Variants in CPZ observed in about 807,000 individuals in gnomAD.
CPZ encodes the protein carboxypeptidase Z.
CPZ carries 103 observed loss-of-function variants against 61.8 expected under a neutral mutation model. The observed-to-expected ratio is 1.67, with a 90% CI of 1.42 to 1.96. CPZ has a LOEUF of 1.96. Ranked by LOEUF, CPZ falls within the 30% of genes most tolerant of loss-of-function variation. The pLI, the probability that CPZ is intolerant of heterozygous loss-of-function variation, is 0.00. For synonymous variants in CPZ, 551 were observed against 373.7 expected (o/e 1.47, Z -5.47); for missense variants, 1,461 against 914.9 (o/e 1.60, Z -7.70).
At chr4:8,606,508 C>G (rs866682676) in intron 5 of CPZ, among the ~76,000 whole-genome samples, 5 of 152,080 alleles carry the variant, frequency 3.3e-5, no homozygotes, top group Non-Finnish European at 7.4e-5. Flanking sequence ...CTGTCGAGGG[C>G]GCCCCACTCA....
rs1553878410 is a variant in CPZ, at chr4:8,612,186, T to TGGGGGGG, written c.1363+27_1363+28insGGGGGGG. 1.1e-5 allele frequency: 2 copies of TGGGGGGG among 179,708 alleles called. 1 individual carries two copies. Among genetic ancestry groups the TGGGGGGG allele is most frequent in the Non-Finnish European group, 1.5e-5 (2 of 132,556 alleles). The allele number at this position is 179,708 out of a possible 1,614,324, so 11.1% of individuals were successfully genotyped here. A position where few individuals can be genotyped will look rare whatever the true frequency, so the allele number is the denominator to read the frequency against. On this transcript the variant is annotated intron_variant, in intron 8 of 10. Transcript: ENST00000360986. ...AGGTGCGGCTTCCGCAGGGCGGGAC[T>TGGGGGGG]GGGCGGGGGGTGGGGGGTGCAGGGG...
intron 10 of CPZ, 72 bp downstream of exon 10, chr4:8,618,600 C>G: frequency 7.2e-7 from 1 of 1,395,596 alleles, no homozygotes; most frequent in South Asian, 1.2e-5. Context: ...CAGCCGGCAC[C>G]CTCAGGCACT....
At chr4:8,593,123 C>A (rs1456909895) in intron 1 of CPZ, among the ~76,000 whole-genome samples, 1 of 152,184 alleles carries the variant, frequency 6.6e-6, no homozygotes, top group African/African-American at 2.4e-5. Context: ...ACCAGGGAGG[C>A]TCTCTACGGC....
intron 3 of CPZ, chr4:8,601,827 G>C (rs186439201): frequency 2.1e-5 from 5 of 235,688 alleles, no homozygotes; most frequent in Non-Finnish European, 3.3e-5. Flanking sequence ...GGCCTCGTGT[G>C]GGGGAGCCTG....
intron 7 of CPZ, among the ~76,000 whole-genome samples, chr4:8,610,726 C>T (rs1236254480): frequency 6.6e-6 from 1 of 152,182 alleles, no homozygotes; most frequent in East Asian, 1.9e-4. Context: ...CTGATGCTGC[C>T]CCACCCACAG....
At chr4:8,608,967 C>G (rs1266690776) in intron 7 of CPZ, among the ~76,000 whole-genome samples, 2 of 135,046 alleles carry the variant, frequency 1.5e-5, no homozygotes, top group Admixed American at 1.5e-4. Context: ...ATTTGTCCTG[C>G]ATTTGTTCAT....
chr4:8,599,776 C>T (rs745748509), intron 2 of CPZ: 34 of 528,262 alleles, frequency 6.4e-5, no homozygotes, highest in Non-Finnish European at 8.7e-5. Flanking sequence ...ACACGTCCTG[C>T]ATTTGGGCCT....
intron 9 of CPZ, among the ~76,000 whole-genome samples, chr4:8,615,212 G>A (rs1036995741): frequency 6.6e-6 from 1 of 152,032 alleles, no homozygotes; most frequent in Non-Finnish European, 1.5e-5. Flanking sequence ...GGAGGTGAGT[G>A]GGGATGGCTG....
chr4:8,595,420 G>T (rs1714106461), intron 1 of CPZ, among the ~76,000 whole-genome samples: 1 of 152,242 alleles, frequency 6.6e-6, no homozygotes, highest in Admixed American at 6.5e-5. Flanking sequence ...AGTCGTCCTG[G>T]CTTTGCTCTG....
rs375592984 is a variant in CPZ at position 8,619,405 on chromosome 4, C to A, written c.1747C>A (p.Pro583Thr). The change falls in exon 11 of 11, where the codon CCT (proline) becomes ACT (threonine). Residue 583 changes from proline (P) to threonine (T), a missense_variant. Pro to Thr is a conservative substitution (Grantham distance 38). Transcript: ENST00000360986. The stretch of plus-strand genomic sequence containing the variant: ...TGGCCGTGTGGACTTCATTCTGCAA[C>A]CTCTGGGGATGGGACCCAAGAACTT... ...RAGRVDFILQ[P>T]LGMGPKNFIH... is the part of the protein sequence containing the mutation. 2.5e-6 allele frequency: 4 copies of A among 1,614,094 alleles called. No individual in the cohort carries two copies. Among genetic ancestry groups the A allele is most frequent in the East Asian group, 2.2e-5 (1 of 44,892 alleles).
intron 4 of CPZ, among the ~76,000 whole-genome samples, chr4:8,605,568 TATCCATCC>T (rs1466308940): frequency 1.6e-5 from 2 of 126,838 alleles, no homozygotes; most frequent in African/African-American, 3.8e-5. Flanking sequence ...TTGATATATC[TATCCATCC>T]AGCCATCCAG....
Position 8,606,788 on chromosome 4 carries a change from G to A in CPZ, c.958G>A (p.Asp320Asn). ...TSGRQNAQNLDLNRNFPDLTS... is the reference protein window; with the variant it reads ...TSGRQNAQNLNLNRNFPDLTS... ...CGGGAGGCAGAACGCGCAGAACCTG[G>A]ATCTGAACCGAAATTTCCCGGACCT... Residue 320 changes from aspartate to asparagine, a missense_variant, in exon 6 of 11, where the codon GAT (aspartate) becomes AAT (asparagine). Physicochemically the swap from Asp to Asn is conservative, Grantham distance 23. Transcript: ENST00000360986. The A allele has an allele frequency of 1.2e-6, 2 of 1,614,170 alleles. No individual in the cohort carries two copies. The highest frequency in any genetic ancestry group is 1.7e-6 in the Non-Finnish European group (2 of 1,180,034).
intron 10 of CPZ, among the ~76,000 whole-genome samples, chr4:8,618,970 G>T (rs1028100268): frequency 6.7e-6 from 1 of 148,386 alleles, no homozygotes; most frequent in Non-Finnish European, 1.5e-5. Context: ...ACCTGGCAGA[G>T]ATGTGGTCCA....
rs764437522 is a variant in CPZ at position 8,618,496 on chromosome 4, C to T, written c.1571C>T (p.Ser524Leu). 9 of 1,614,034 alleles carry T rather than the reference C, an allele frequency of 5.6e-6. No homozygotes were observed. Among genetic ancestry groups the T allele is most frequent in the Non-Finnish European group, 7.6e-6 (9 of 1,179,954 alleles). ...FGKPVKNARI[S>L]VKGIRHDITT... ...AAGCCAGTCAAAAACGCCCGGATCT[C>T]AGTCAAAGGCATTCGCCACGACATC... The change falls in exon 10 of 11, where the codon TCA becomes TTA. Residue 524 changes from serine to leucine, a missense_variant. Transcript: ENST00000360986.
chr4:8,609,356 T>TTCACTCACAAACTCATTCAC (rs1186678348), intron 7 of CPZ, among the ~76,000 whole-genome samples: 4 of 149,568 alleles, frequency 2.7e-5, no homozygotes, highest in East Asian at 2.0e-4. Flanking sequence ...CTCTCATTCA[T>TTCACTCACAAACTCATTCAC]TCACTCACAA....
At chr4:8,610,020 T>G (rs1715518222) in intron 7 of CPZ, among the ~76,000 whole-genome samples, 2 of 152,302 alleles carry the variant, frequency 1.3e-5, no homozygotes, top group South Asian at 4.1e-4. Flanking sequence ...ACGTGCCCCT[T>G]TGCCCGAATC....
At chr4:8,615,168 C>G (rs1368558365) in intron 9 of CPZ, among the ~76,000 whole-genome samples, 2 of 152,018 alleles carry the variant, frequency 1.3e-5, no homozygotes, top group Non-Finnish European at 2.9e-5. Flanking sequence ...TGACTACTAT[C>G]GTGAGGCTGA....
At chr4:8,616,505 C>A (rs1716177132) in intron 9 of CPZ, among the ~76,000 whole-genome samples, 1 of 152,172 alleles carries the variant, frequency 6.6e-6, no homozygotes, top group African/African-American at 2.4e-5. Context: ...GAGAGGAAGA[C>A]TGGGGCCGTG....
chr4:8,616,887 G>A (rs915106241), intron 9 of CPZ, among the ~76,000 whole-genome samples: 12 of 152,244 alleles, frequency 7.9e-5, no homozygotes, highest in African/African-American at 2.7e-4. Context: ...AGCCCCAGAG[G>A]GCAGGGGGCA....
Sources: allele counts gnomAD v4.1 joint callset (sites outside exome capture counted in the v4.1 genomes callset), GRCh38; gene constraint gnomAD v4.1.1; transcripts MANE v1.5; gene names NCBI Gene and HGNC (gene_info 2026-07-23, HGNC 2026-07-21).